RALGPS1: variants seen among roughly 807,000 people sequenced by gnomAD.
The protein encoded by RALGPS1 is Ral GEF with PH domain and SH3 binding motif 1, also known as ras-specific guanine nucleotide-releasing factor RalGPS1.
A neutral mutation model predicts 78.8 loss-of-function variants in RALGPS1; 19 were observed. That is an observed-to-expected ratio of 0.24 (90% CI 0.17 to 0.35). The LOEUF (loss-of-function observed/expected upper bound fraction) is 0.35. RALGPS1 is among the 10% of genes least tolerant of loss of function. The probability of loss-of-function intolerance (pLI) is 1.00; values close to 1 mark genes in which losing one functional copy is unlikely to be tolerated. For synonymous variants in RALGPS1, 228 were observed against 256.3 expected, an observed-to-expected ratio of 0.89 and a Z score of 1.06; for missense variants, 454 against 688.3, an observed-to-expected ratio of 0.66 and a Z score of 3.81.
chr9:127,034,447 G>C lies in RALGPS1; in HGVS notation c.233G>C (p.Gly78Ala). 1 of 1,614,106 alleles carries C rather than the reference G, an allele frequency of 6.2e-7. No individual in the cohort carries two copies. ...AIQPEELASC[G>A]WSKKEKHSLA... ...GCTTCCTAGGAACTAGCCAGCTGTGGATGGAGTAAGAAGGAGAAACACAGT... is the reference window on the plus strand; with the variant it reads ...GCTTCCTAGGAACTAGCCAGCTGTGCATGGAGTAAGAAGGAGAAACACAGT... The change falls in exon 5 of 19, where the codon GGA (glycine) becomes GCA (alanine). Residue 78 changes from glycine (G) to alanine (A), a missense_variant. Physicochemically the swap from Gly to Ala is moderately conservative, Grantham distance 60. Transcript: ENST00000259351.
chr9:127,099,922 T>C (rs1264142137), intron 8 of RALGPS1, among the ~76,000 whole-genome samples: 1 of 152,216 alleles, frequency 6.6e-6, no homozygotes, highest in Non-Finnish European at 1.5e-5. Flanking sequence ...AATGAGTGTT[T>C]CAGGAGTTGA....
chr9:127,174,905 C>T, intron 11 of RALGPS1, 123 bp downstream of exon 11: 1 of 802,284 alleles, frequency 1.2e-6, no homozygotes, highest in South Asian at 1.5e-5. Context: ...CTCAGCTATC[C>T]CTGTTCACAG....
At chr9:127,050,215 T>C (rs556610755) in intron 6 of RALGPS1, 83 bp downstream of exon 6, 207 of 1,169,750 alleles carry the variant, frequency 1.8e-4, no homozygotes, top group Non-Finnish European at 2.4e-4. Flanking sequence ...CTCAGTACTT[T>C]GGGAGCTGCT....
chr9:126,924,873 C>T (rs990877118), intron 1 of RALGPS1, among the ~76,000 whole-genome samples: 2 of 152,230 alleles, frequency 1.3e-5, no homozygotes, highest in Non-Finnish European at 2.9e-5. Flanking sequence ...CGCCTGTAAT[C>T]CCAGCACTTT....
chr9:126,954,949 C>T (rs1181348830), intron 1 of RALGPS1, among the ~76,000 whole-genome samples: 2 of 152,222 alleles, frequency 1.3e-5, no homozygotes, highest in African/African-American at 4.8e-5. Context: ...CCAGCCATGG[C>T]CTTCTCCCTC....
chr9:126,940,365 A>G (rs1158590370), intron 1 of RALGPS1, among the ~76,000 whole-genome samples: 2 of 152,074 alleles, frequency 1.3e-5, no homozygotes, highest in Non-Finnish European at 2.9e-5. Context: ...CTGCCACCCC[A>G]ACATACTGAA....
intron 7 of RALGPS1, among the ~76,000 whole-genome samples, chr9:127,055,102 C>CA (rs1432915644): frequency 1.3e-5 from 2 of 152,020 alleles, no homozygotes; most frequent in African/African-American, 4.8e-5. Context: ...AAGGTGTGGG[C>CA]ATATTCACCT....
At chr9:127,074,559 G>A (rs971799769) in intron 8 of RALGPS1, among the ~76,000 whole-genome samples, 1 of 152,206 alleles carries the variant, frequency 6.6e-6, no homozygotes, top group African/African-American at 2.4e-5. Context: ...CAGCCCACGG[G>A]TTCCACTAGC....
chr9:127,214,540 C>G (rs897895375), intron 17 of RALGPS1, among the ~76,000 whole-genome samples: 3 of 152,162 alleles, frequency 2.0e-5, no homozygotes, highest in African/African-American at 4.8e-5. Context: ...ACCAGACAGC[C>G]AAAGGCACCA....
chr9:127,007,695 G>A (rs1195874026), intron 4 of RALGPS1, among the ~76,000 whole-genome samples: 1 of 152,202 alleles, frequency 6.6e-6, no homozygotes, highest in Non-Finnish European at 1.5e-5. Flanking sequence ...AGAACTGAAA[G>A]AACACATTTC....
At chr9:126,967,414 G>A (rs2132313164) in intron 3 of RALGPS1, among the ~76,000 whole-genome samples, 1 of 152,208 alleles carries the variant, frequency 6.6e-6, no homozygotes, top group African/African-American at 2.4e-5. Flanking sequence ...TGCTCACTCT[G>A]TGTTCAAATG....
chr9:127,209,875 CATCTGACTTTA>C lies in RALGPS1; in HGVS notation c.1248-2255_1248-2245del, dbSNP rs1214052633. 3.3e-5 allele frequency among the ~76,000 whole-genome samples: 5 copies of C among 152,190 alleles called. No homozygotes were observed. The East Asian group carries it at 9.6e-4, about 29-fold the overall frequency. On this transcript the variant is annotated intron_variant, in intron 14 of 18. Transcript: ENST00000259351. ...GATCTTACAAAGGAACTCTGGGCCT[CATCTGACTTTA>C]TTAAGTTGATTACATTGTTGTCTGG...
chr9:127,034,849 C>G (rs578055530), intron 5 of RALGPS1, among the ~76,000 whole-genome samples: 1 of 152,294 alleles, frequency 6.6e-6, no homozygotes, highest in East Asian at 1.9e-4. Flanking sequence ...TTTCCCTCCT[C>G]CTGGCCTTCC....
intron 8 of RALGPS1, among the ~76,000 whole-genome samples, chr9:127,136,057 T>A (rs2057372014): frequency 6.6e-6 from 1 of 152,194 alleles, no homozygotes; most frequent in South Asian, 2.1e-4. Flanking sequence ...ATTTTGTGTT[T>A]ATACCCCTGG....
At chr9:127,082,928 C>T (rs774638962) in intron 8 of RALGPS1, among the ~76,000 whole-genome samples, 11 of 152,202 alleles carry the variant, frequency 7.2e-5, no homozygotes, top group East Asian at 1.9e-4. Context: ...GGAAGGGCAG[C>T]GTACCCAGGA....
At chr9:127,201,480 T>C (rs1564784680) in intron 14 of RALGPS1, among the ~76,000 whole-genome samples, 1 of 152,244 alleles carries the variant, frequency 6.6e-6, no homozygotes, top group Non-Finnish European at 1.5e-5. Flanking sequence ...ATCTCCATCC[T>C]GCACTGCTTC....
intron 4 of RALGPS1, among the ~76,000 whole-genome samples, chr9:126,996,122 C>T (rs1357751961): frequency 2.0e-5 from 3 of 152,082 alleles, no homozygotes; most frequent in Admixed American, 6.5e-5. Context: ...ATTAAAAGAA[C>T]TAGAAAAGCA....
chr9:127,151,074 C>T (rs1244251113), intron 8 of RALGPS1, among the ~76,000 whole-genome samples: 2 of 152,044 alleles, frequency 1.3e-5, no homozygotes, highest in Non-Finnish European at 2.9e-5. Flanking sequence ...GTCCCAGCTA[C>T]TCGGGAAGCT....
In RALGPS1 at chr9:127,069,271, C is replaced by T. The variant is rs746491549; in HGVS notation, c.525C>T (p.Asp175=). 45 of 1,612,280 alleles carry T rather than the reference C, an allele frequency of 2.8e-5. No homozygotes were observed. The Middle Eastern group carries it at 4.9e-4, about 18-fold the overall frequency. ...RKDKTTFEKL[D]YLMSKEDNYK... The stretch of plus-strand genomic sequence containing the variant: ...ACAAGACTACCTTTGAGAAATTGGA[C>T]TACCTGATGTCGAAAGAAGATAATT... Residue 175 remains aspartate, a synonymous_variant, in exon 8 of 19, where the codon GAC becomes GAT. Coordinates refer to ENST00000259351, the MANE Select transcript of RALGPS1 (RefSeq NM_014636.3).
Sources: allele counts gnomAD v4.1 joint callset (sites outside exome capture counted in the v4.1 genomes callset), GRCh38; gene constraint gnomAD v4.1.1; transcripts MANE v1.5; gene names NCBI Gene and HGNC (gene_info 2026-07-23, HGNC 2026-07-21).